BLTP1: variants seen among roughly 807,000 people sequenced by gnomAD.
BLTP1 encodes the protein fragile site-associated protein.
the BLTP1 span, among the ~76,000 whole-genome samples, chr4:122,339,938 T>G: frequency 6.6e-6 from 1 of 152,150 alleles, no homozygotes; most frequent in Non-Finnish European, 1.5e-5. Context: ...TATAATTGAT[T>G]TCCTGAGATG....
chr4:122,270,329 G>C, the BLTP1 span: 4 of 983,894 alleles, frequency 4.1e-6, no homozygotes, highest in Non-Finnish European at 4.8e-6. Context: ...AGTGTGCATG[G>C]AAGAAGAGGG....
At chr4:122,272,494 T>C in the BLTP1 span, 1 of 1,170,248 alleles carries the variant, frequency 8.5e-7, no homozygotes, top group Non-Finnish European at 1.2e-6. Context: ...TCTCCAAAAT[T>C]CCTAATTGGC....
the BLTP1 span, chr4:122,328,080 C>T: frequency 2.0e-6 from 3 of 1,468,558 alleles, no homozygotes; most frequent in Admixed American, 2.0e-5. Context: ...GAATCTGATT[C>T]ATGTTTTTTC....
chr4:122,288,649 CTCTA>C, the BLTP1 span: 1 of 228,738 alleles, frequency 4.4e-6, no homozygotes, highest in African/African-American at 3.1e-5. Flanking sequence ...AAGACTCCGT[CTCTA>C]AATAAATAAA....
the BLTP1 span, among the ~76,000 whole-genome samples, chr4:122,297,730 A>G: frequency 2.6e-5 from 4 of 152,250 alleles, no homozygotes; most frequent in Admixed American, 6.5e-5. Flanking sequence ...TGCAGCCACA[A>G]AAAGGAATGA....
At chr4:122,222,724 T>A in the BLTP1 span, among the ~76,000 whole-genome samples, 1 of 152,088 alleles carries the variant, frequency 6.6e-6, no homozygotes, top group African/African-American at 2.4e-5. Context: ...CTTATAGGGA[T>A]ACCAGTCATA....
At chr4:122,289,125 A>G in the BLTP1 span, 1 of 1,610,096 alleles carries the variant, frequency 6.2e-7, no homozygotes, top group Non-Finnish European at 8.5e-7. Flanking sequence ...CTGATCTTCT[A>G]AACCACTTGG....
the BLTP1 span, among the ~76,000 whole-genome samples, chr4:122,280,662 TAA>T: frequency 1.9e-4 from 16 of 83,012 alleles, no homozygotes; most frequent in Admixed American, 8.4e-4. Context: ...AAATTCCATC[TAA>T]AAAAAAAAAA....
At chr4:122,338,762 G>GA in the BLTP1 span, among the ~76,000 whole-genome samples, 2 of 152,114 alleles carry the variant, frequency 1.3e-5, no homozygotes, top group Non-Finnish European at 2.9e-5. Context: ...ATGTTTGGCG[G>GA]AAAAAAATTC....
the BLTP1 span, among the ~76,000 whole-genome samples, chr4:122,327,246 A>G: frequency 1.1e-5 from 1 of 95,220 alleles, no homozygotes; most frequent in Non-Finnish European, 2.4e-5. Flanking sequence ...TAGGACCCCC[A>G]TGCATACCAA....
the BLTP1 span, chr4:122,243,335 A>G: frequency 3.5e-6 from 3 of 853,030 alleles, no homozygotes; most frequent in Non-Finnish European, 4.2e-6. Context: ...TGGCAAAGGT[A>G]CATCAGGTAA....
the BLTP1 span, chr4:122,234,613 TAA>T: frequency 2.4e-6 from 1 of 410,976 alleles, no homozygotes; most frequent in Non-Finnish European, 3.3e-6. Flanking sequence ...GCAAATGATT[TAA>T]AAAAACACAG....
At chr4:122,339,268 C>T in the BLTP1 span, 1 of 1,613,616 alleles carries the variant, frequency 6.2e-7, no homozygotes, top group Non-Finnish European at 8.5e-7. Context: ...TTAAAGCTGC[C>T]ATCCCTGGAT....
chr4:122,286,305 C>A, the BLTP1 span: 1 of 342,384 alleles, frequency 2.9e-6, no homozygotes, highest in Non-Finnish European at 4.1e-6. Context: ...AACACACTGC[C>A]AGTCTTAATA....
the BLTP1 span, among the ~76,000 whole-genome samples, chr4:122,323,437 CCT>C: frequency 6.7e-6 from 1 of 148,782 alleles, no homozygotes; most frequent in East Asian, 1.9e-4. Context: ...AACAGAGAAC[CCT>C]CTTTTTTTTT....
the BLTP1 span, among the ~76,000 whole-genome samples, chr4:122,332,395 G>T: frequency 1.3e-5 from 2 of 151,880 alleles, no homozygotes; most frequent in African/African-American, 4.8e-5. Context: ...ATATTTAGCT[G>T]TATTTTTACT....
chr4:122,199,080 A>G, the BLTP1 span, among the ~76,000 whole-genome samples: 1 of 152,198 alleles, frequency 6.6e-6, no homozygotes, highest in Non-Finnish European at 1.5e-5. Flanking sequence ...TCTGTAACTG[A>G]AAACTACTGT....
the BLTP1 span, chr4:122,271,543 A>G: frequency 1.2e-6 from 2 of 1,613,456 alleles, no homozygotes; most frequent in South Asian, 2.2e-5. Context: ...GGAAAGGTTC[A>G]AAAGATGTGG....
At chr4:122,292,294 G>A in the BLTP1 span, 2 of 921,888 alleles carry the variant, frequency 2.2e-6, no homozygotes, top group Non-Finnish European at 2.6e-6. Context: ...CTTCAGAGAT[G>A]GATTATCAAA....
Sources: allele counts gnomAD v4.1 joint callset (sites outside exome capture counted in the v4.1 genomes callset), GRCh38; gene constraint gnomAD v4.1.1; transcripts MANE v1.5; gene names NCBI Gene and HGNC (gene_info 2026-07-23, HGNC 2026-07-21).